The following EPHA6 variants were observed in gnomAD, a reference collection of about 807,000 sequenced individuals.
EPHA6 encodes the protein EPH receptor A6, also known as ephrin type-A receptor 6.
Under a neutral mutation model 112.0 loss-of-function variants are expected in EPHA6, and 50 were observed. The observed-to-expected ratio is 0.45, with a 90% CI of 0.36 to 0.56. The LOEUF is 0.56. Among genes scored for constraint, EPHA6 ranks in the 20% least tolerant of loss-of-function variants. The pLI, the probability that EPHA6 is intolerant of heterozygous loss-of-function variation, is 0.00. For missense variants in EPHA6, 1,280 were observed against 1,417.4 expected (o/e 0.90, Z 1.56); for synonymous variants, 529 against 490.7 (o/e 1.08, Z -1.03).
chr3:96,822,810 A>T (rs2033367427), intron 1 of EPHA6, among the ~76,000 whole-genome samples: 1 of 151,196 alleles, frequency 6.6e-6, no homozygotes, highest in Non-Finnish European at 1.5e-5. Context: ...GAGCTACATG[A>T]GTGTTGCAAA....
intron 11 of EPHA6, among the ~76,000 whole-genome samples, chr3:97,550,776 C>A (rs1176437906): frequency 6.6e-6 from 1 of 151,978 alleles, no homozygotes; most frequent in Non-Finnish European, 1.5e-5. Flanking sequence ...TGTTGAGGAC[C>A]TACTTTATTT....
chr3:97,679,235 A>C (rs1185317874), intron 14 of EPHA6, among the ~76,000 whole-genome samples: 5 of 152,136 alleles, frequency 3.3e-5, no homozygotes, highest in Non-Finnish European at 5.9e-5. Context: ...ATAGTTGCTA[A>C]GAGTTTAGCA....
At chr3:97,440,779 T>C (rs1308884598) in intron 6 of EPHA6, among the ~76,000 whole-genome samples, 2 of 151,644 alleles carry the variant, frequency 1.3e-5, no homozygotes, top group African/African-American at 2.4e-5. Context: ...ATATTTGATT[T>C]GAAAATCAAA....
At chr3:97,364,641 TA>T (rs1241903803) in intron 5 of EPHA6, among the ~76,000 whole-genome samples, 1 of 152,050 alleles carries the variant, frequency 6.6e-6, no homozygotes, top group Non-Finnish European at 1.5e-5. Flanking sequence ...AAATGAATAT[TA>T]ATTACCATAG....
At chr3:97,374,299 A>G (rs2085223804) in intron 5 of EPHA6, among the ~76,000 whole-genome samples, 1 of 152,162 alleles carries the variant, frequency 6.6e-6, no homozygotes, top group Non-Finnish European at 1.5e-5. Context: ...GTCATCTTTA[A>G]CACTCACACC....
At chr3:97,465,814 C>A (rs1283002981) in intron 7 of EPHA6, among the ~76,000 whole-genome samples, 2 of 151,992 alleles carry the variant, frequency 1.3e-5, no homozygotes, top group Admixed American at 6.6e-5. Context: ...TTACCATAAA[C>A]TGTGAAAATT....
rs542295557 is a variant in EPHA6, at chr3:97,434,399, A to G, written c.1732-14169A>G. On this transcript the variant is annotated intron_variant, in intron 6 of 17. Coordinates refer to ENST00000389672, the MANE Select transcript of EPHA6 (RefSeq NM_001080448.3). ...ATATTAAAAAAAAGTTAACTGCAGT[A>G]TGTCCTGTGTAAACTTTCAATTGAT... Among the ~76,000 whole-genome samples the G allele has an allele frequency of 9.8e-4, 149 of 152,274 alleles. 1 individual carries two copies. The highest frequency in any genetic ancestry group is 3.3e-3 in the African/African-American group (138 of 41,564).
intron 2 of EPHA6, among the ~76,000 whole-genome samples, chr3:96,913,184 ACACACACACACACACACACACACACACAC>A (rs954033774): frequency 7.8e-5 from 11 of 140,712 alleles, no homozygotes; most frequent in South Asian, 2.5e-4. Flanking sequence ...ACACACACAC[ACACACACACACACACACACACACACACAC>A]CACACACACG....
At chr3:96,846,651 A>G (rs752698048) in intron 1 of EPHA6, among the ~76,000 whole-genome samples, 9 of 152,100 alleles carry the variant, frequency 5.9e-5, no homozygotes, top group Admixed American at 3.9e-4. Flanking sequence ...CCAATTAACT[A>G]ATCCATCTAG....
intron 3 of EPHA6, among the ~76,000 whole-genome samples, chr3:96,992,477 G>A (rs2043252575): frequency 6.6e-6 from 1 of 152,184 alleles, no homozygotes; most frequent in African/African-American, 2.4e-5. Flanking sequence ...TTATTTGGAG[G>A]TTTAACAGAG....
At chr3:97,078,892 G>C (rs1333847895) in intron 3 of EPHA6, among the ~76,000 whole-genome samples, 1 of 152,148 alleles carries the variant, frequency 6.6e-6, no homozygotes, top group Non-Finnish European at 1.5e-5. Flanking sequence ...TGACAACAAG[G>C]AGTTTAGAAT....
chr3:97,247,024 A>T (rs1341399829), intron 5 of EPHA6, among the ~76,000 whole-genome samples: 1 of 152,064 alleles, frequency 6.6e-6, no homozygotes, highest in African/African-American at 2.4e-5. Flanking sequence ...TCAGTTGTAA[A>T]TAAATAATTG....
chr3:97,090,393 C>A (rs545331073), intron 3 of EPHA6, among the ~76,000 whole-genome samples: 1 of 152,100 alleles, frequency 6.6e-6, no homozygotes, highest in South Asian at 2.1e-4. Context: ...AAATTCACAT[C>A]TTTTTTCTCC....
chr3:97,376,445 C>G lies in EPHA6; in HGVS notation c.1607-28705C>G, dbSNP rs534838696. The stretch of plus-strand genomic sequence containing the variant: ...TTTATCTACAAATCACATACGAAAA[C>G]AAAAAAAACAACATGCACAGGAATA... On this transcript the variant is annotated intron_variant, in intron 5 of 17. Transcript: ENST00000389672. Among the ~76,000 whole-genome samples the G allele has an allele frequency of 2.6e-5, 4 of 151,714 alleles. No individual in the cohort carries two copies. In the East Asian group the frequency reaches 7.8e-4, roughly 29 times the overall value.
At chr3:97,069,431 G>A (rs1279688264) in intron 3 of EPHA6, among the ~76,000 whole-genome samples, 4 of 152,084 alleles carry the variant, frequency 2.6e-5, no homozygotes, top group Non-Finnish European at 4.4e-5. Context: ...GTTGGCCTGC[G>A]CAGTTCAAAC....
chr3:97,583,596 C>T (rs1420646977), intron 11 of EPHA6, among the ~76,000 whole-genome samples: 2 of 151,248 alleles, frequency 1.3e-5, no homozygotes, highest in Non-Finnish European at 2.9e-5. Flanking sequence ...TGTACAAGAA[C>T]TGTATGAGGA....
At chr3:97,089,117 T>C (rs894723292) in intron 3 of EPHA6, among the ~76,000 whole-genome samples, 2 of 152,120 alleles carry the variant, frequency 1.3e-5, no homozygotes, top group African/African-American at 4.8e-5. Context: ...GAGTGGTCAC[T>C]CAGGACGTTT....
intron 11 of EPHA6, among the ~76,000 whole-genome samples, chr3:97,571,828 C>G (rs949387868): frequency 6.6e-6 from 1 of 152,166 alleles, no homozygotes; most frequent in African/African-American, 2.4e-5. Context: ...AGACTAATTG[C>G]CAAGCTTGCA....
chr3:97,243,613 A>T (rs1050339803), intron 4 of EPHA6, among the ~76,000 whole-genome samples: 1 of 151,914 alleles, frequency 6.6e-6, no homozygotes, highest in Non-Finnish European at 1.5e-5. Context: ...AATAAGATGT[A>T]ATTAAAGCCA....
Sources: allele counts gnomAD v4.1 joint callset (sites outside exome capture counted in the v4.1 genomes callset), GRCh38; gene constraint gnomAD v4.1.1; transcripts MANE v1.5; gene names NCBI Gene and HGNC (gene_info 2026-07-23, HGNC 2026-07-21).